Variants in SCN11A observed in about 807,000 individuals in gnomAD.
SCN11A encodes the protein sodium voltage-gated channel alpha subunit 11, also known as sodium channel protein type 11 subunit alpha.
SCN11A carries 122 observed loss-of-function variants against 162.2 expected under a neutral mutation model. The ratio of observed to expected loss-of-function variants is 0.75; its 90% CI spans 0.65 to 0.87. SCN11A has a LOEUF of 0.87. SCN11A is among the 40% of genes least tolerant of loss of function. The pLI, the probability that SCN11A is intolerant of heterozygous loss-of-function variation, is 0.00. For synonymous variants in SCN11A, 758 were observed against 751.5 expected, an observed-to-expected ratio of 1.01 and a Z score of -0.14; for missense variants, 2,015 against 2,181.6, an observed-to-expected ratio of 0.92 and a Z score of 1.52.
At position 38,867,357 on chromosome 3, in the gene SCN11A, G is replaced by A. The variant is rs531276047; in HGVS notation, c.3915C>T (p.Gly1305=). ...GSFFTLNLFI[G]VIIDNFNQQQ... is the part of the protein sequence containing the mutation. The stretch of plus-strand genomic sequence containing the variant: ...GTTGGTTGAAGTTGTCAATGATAAC[G>A]CCAATGAAGAGATTCAGAGTGAAGA... The change falls in exon 27 of 30, where the codon GGC becomes GGT. Residue 1305 remains glycine (G), a synonymous_variant. Transcript: ENST00000302328. 2.2e-5 allele frequency: 35 copies of A among 1,613,018 alleles called. No homozygotes were observed. The highest frequency in any genetic ancestry group is 1.8e-4 in the East Asian group (8 of 44,848).
chr3:38,930,250 T>C (rs927140814), intron 7 of SCN11A, among the ~76,000 whole-genome samples: 4 of 152,144 alleles, frequency 2.6e-5, no homozygotes, highest in African/African-American at 9.7e-5. Context: ...CTTGAGGACT[T>C]GAAAAAACTC....
chr3:38,886,611 T>C lies in SCN11A; in HGVS notation c.2836-373A>G, dbSNP rs895510508. 3.9e-5 allele frequency among the ~76,000 whole-genome samples: 6 copies of C among 152,258 alleles called. No individual in the cohort carries two copies. In the East Asian group the frequency reaches 1.2e-3, roughly 29 times the overall value. ...GCTAGATAATAAATTATTTAATAAA[T>C]GGTACACAATGCCATAATATAGTAA... On this transcript the variant is annotated intron_variant, in intron 19 of 29. Transcript: ENST00000302328.
At chr3:38,849,635 T>C (rs2064741903) in intron 29 of SCN11A, 1 of 152,226 alleles carries the variant, frequency 6.6e-6, no homozygotes, top group Admixed American at 6.5e-5. Flanking sequence ...TTATAAAATG[T>C]CAAGTTAACA....
In SCN11A at chr3:38,950,168, G is replaced by C. The variant is rs1398745464; in HGVS notation, c.195C>G (p.Leu65=). The C allele has an allele frequency of 6.2e-7, 1 of 1,611,244 alleles. No homozygotes were observed. Among genetic ancestry groups the C allele is most frequent in the South Asian group, 1.1e-5 (1 of 91,008 alleles). Residue 65 remains leucine (L), a synonymous_variant, in exon 5 of 30, where the codon CTC becomes CTG. Coordinates refer to ENST00000302328, the MANE Select transcript of SCN11A (RefSeq NM_001349253.2). ...TGAGCTCACGAGGAATGTCGCCATAGAGCTTGGGCAACTTCCTGGAGGCCT... is the reference window on the plus strand; with the variant it reads ...TGAGCTCACGAGGAATGTCGCCATACAGCTTGGGCAACTTCCTGGAGGCCT... ...DLKASRKLPK[L]YGDIPRELIG... is the part of the protein sequence containing the mutation.
At chr3:38,944,420 A>G (rs2125571913) in intron 7 of SCN11A, among the ~76,000 whole-genome samples, 1 of 150,936 alleles carries the variant, frequency 6.6e-6, no homozygotes, top group South Asian at 2.1e-4. Context: ...TCCGCCTCCC[A>G]GGTTCATGCC....
chr3:38,966,612 T>C (rs2066784217), intron 2 of SCN11A, among the ~76,000 whole-genome samples: 1 of 152,236 alleles, frequency 6.6e-6, no homozygotes, highest in African/African-American at 2.4e-5. Flanking sequence ...TGGGAACATT[T>C]CAAATTCTCT....
chr3:39,045,320 C>G (rs2032156385), intron 1 of SCN11A, among the ~76,000 whole-genome samples: 1 of 152,086 alleles, frequency 6.6e-6, no homozygotes, highest in Non-Finnish European at 1.5e-5. Flanking sequence ...AATGCCAAAA[C>G]CAGGCAAAAA....
chr3:39,023,242 C>T (rs1254181719), intron 2 of SCN11A, among the ~76,000 whole-genome samples: 1 of 152,102 alleles, frequency 6.6e-6, no homozygotes, highest in African/African-American at 2.4e-5. Flanking sequence ...ACCATGTGGG[C>T]TCATTTGGTT....
intron 23 of SCN11A, among the ~76,000 whole-genome samples, chr3:38,873,378 C>A (rs1355715058): frequency 2.6e-5 from 4 of 152,106 alleles, no homozygotes; most frequent in Non-Finnish European, 4.4e-5. Flanking sequence ...CAAATCTTGC[C>A]AACCTCATTG....
chr3:38,894,294 T>A (rs2065548659), intron 19 of SCN11A, among the ~76,000 whole-genome samples: 1 of 152,164 alleles, frequency 6.6e-6, no homozygotes, highest in African/African-American at 2.4e-5. Context: ...ACTCCCCCTG[T>A]CATCCCAGCC....
chr3:38,861,521 C>T (rs2064964090), intron 28 of SCN11A, among the ~76,000 whole-genome samples: 1 of 152,124 alleles, frequency 6.6e-6, no homozygotes, highest in African/African-American at 2.4e-5. Context: ...ACTGAAACAG[C>T]ATGGTACTGG....
At chr3:39,040,191 A>C (rs1326749852) in intron 1 of SCN11A, among the ~76,000 whole-genome samples, 2 of 152,258 alleles carry the variant, frequency 1.3e-5, no homozygotes, top group African/African-American at 4.8e-5. Flanking sequence ...AAATGTCAAC[A>C]GTCTATGCCA....
At chr3:38,946,019 C>T (rs1486116751) in intron 6 of SCN11A, among the ~76,000 whole-genome samples, 1 of 152,196 alleles carries the variant, frequency 6.6e-6, no homozygotes, top group African/African-American at 2.4e-5. Context: ...AATCTACCAA[C>T]CCATATCTTT....
In SCN11A at chr3:38,885,349, A is replaced by G. The variant is rs1331580015; in HGVS notation, c.3003T>C (p.Asp1001=). 1.2e-6 allele frequency: 2 copies of G among 1,613,602 alleles called. No individual in the cohort carries two copies. The highest frequency in any genetic ancestry group is 4.5e-5 in the East Asian group (2 of 44,890). ...LSECSTIDLQ[D]GFGWLPEMVP... ...CCATCTCAGGTAACCATCCAAAGCC[A>G]TCCTGAAGATCAATGGTGCTACATT... The change falls in exon 21 of 30, where the codon GAT becomes GAC. Residue 1001 remains aspartate, a synonymous_variant. Coordinates refer to ENST00000302328, the MANE Select transcript of SCN11A (RefSeq NM_001349253.2).
chr3:38,898,542 T>C (rs1575264457), intron 17 of SCN11A, among the ~76,000 whole-genome samples: 7 of 152,330 alleles, frequency 4.6e-5, no homozygotes, highest in Admixed American at 4.6e-4. Flanking sequence ...TAGAGTAATA[T>C]GGCATTTGTA....
intron 27 of SCN11A, among the ~76,000 whole-genome samples, chr3:38,864,853 A>T (rs1461752665): frequency 4.6e-5 from 7 of 152,188 alleles, no homozygotes; most frequent in African/African-American, 7.2e-5. Flanking sequence ...GAAAACAAAC[A>T]AACAAAAAGC....
chr3:38,871,695 G>T lies in SCN11A; in HGVS notation c.3509C>A (p.Ala1170Asp). Reference protein sequence around the residue: ...QFEGMKVVVNALIGAIPAILN... With the variant: ...QFEGMKVVVNDLIGAIPAILN... Reference sequence around the variant, plus strand: ...AATGGCAGGTATGGCACCTATGAGAGCATTGACCACCACCTTATGGAAACA... The same window carrying T: ...AATGGCAGGTATGGCACCTATGAGATCATTGACCACCACCTTATGGAAACA... Residue 1170 changes from alanine (A) to aspartate (D), a missense_variant, in exon 25 of 30, where the codon GCT becomes GAT. Coordinates refer to ENST00000302328, the MANE Select transcript of SCN11A (RefSeq NM_001349253.2). 6.2e-7 allele frequency: 1 copy of T among 1,603,158 alleles called. No homozygotes were observed. The highest frequency in any genetic ancestry group is 2.2e-5 in the East Asian group (1 of 44,786).
At chr3:38,968,427 A>G (rs2066796239) in intron 2 of SCN11A, among the ~76,000 whole-genome samples, 1 of 152,200 alleles carries the variant, frequency 6.6e-6, no homozygotes, top group African/African-American at 2.4e-5. Context: ...GAAAACCCTA[A>G]TGGGGATAGC....
intron 28 of SCN11A, among the ~76,000 whole-genome samples, chr3:38,857,116 TC>T (rs905267675): frequency 3.9e-5 from 6 of 152,148 alleles, no homozygotes; most frequent in African/African-American, 1.4e-4. Flanking sequence ...CTCCAAAAGA[TC>T]ATACTAGCTT....
Sources: gnomAD v4.1 joint callset for allele counts (sites outside exome capture counted in the v4.1 genomes callset) on GRCh38, gnomAD v4.1.1 for gene constraint, MANE v1.5 for transcripts, NCBI Gene and HGNC (gene_info 2026-07-23, HGNC 2026-07-21) for gene names.